TMLHE: variants seen among roughly 807,000 people sequenced by gnomAD.
TMLHE encodes the protein trimethyllysine hydroxylase, epsilon.
A neutral mutation model predicts 25.7 loss-of-function variants in TMLHE; 18 were observed. That is an observed-to-expected ratio of 0.70 (90% confidence interval 0.48 to 1.04). The LOEUF is 1.04. TMLHE is among the 50% of genes least tolerant of loss of function. The pLI is 0.00. For missense variants in TMLHE, 236 were observed against 259.0 expected, an observed-to-expected ratio of 0.91 and a Z score of 0.61; for synonymous variants, 105 against 97.0, an observed-to-expected ratio of 1.08 and a Z score of -0.49.
intron 6 of TMLHE, among the ~76,000 whole-genome samples, chrX:155,506,072 AC>A: frequency 9.0e-6 from 1 of 111,178 alleles, no homozygotes; most frequent in South Asian, 3.8e-4. Flanking sequence ...ATCATACAGA[AC>A]CTTAAAAGCC....
chrX:155,605,486 C>T (rs782795508), intron 1 of TMLHE, among the ~76,000 whole-genome samples: 11 of 111,879 alleles, frequency 9.8e-5, no homozygotes, highest in Non-Finnish European at 2.1e-4. Context: ...TCATATCCAG[C>T]CAAACTAAGC....
At chrX:155,577,239 C>A (rs782773885) in intron 1 of TMLHE, among the ~76,000 whole-genome samples, 101 of 111,939 alleles carry the variant, frequency 9.0e-4, no homozygotes, top group Middle Eastern at 4.6e-3. Flanking sequence ...ACATGGCCAA[C>A]AAGCACATAA....
chrX:155,594,012 A>G (rs968188194), intron 1 of TMLHE, among the ~76,000 whole-genome samples: 1 of 111,835 alleles, frequency 8.9e-6, no homozygotes, highest in South Asian at 3.7e-4. Flanking sequence ...AAGAGCCAGA[A>G]AGGCTATTTA....
chrX:155,580,297 C>G (rs1031065376), intron 1 of TMLHE, among the ~76,000 whole-genome samples: 5 of 111,763 alleles, frequency 4.5e-5, no homozygotes, highest in Non-Finnish European at 7.5e-5. Context: ...GAGATATCAT[C>G]TTACACCAGT....
intron 5 of TMLHE, among the ~76,000 whole-genome samples, chrX:155,509,972 C>T (rs1473338372): frequency 9.0e-6 from 1 of 111,249 alleles, no homozygotes; most frequent in Admixed American, 9.6e-5. Flanking sequence ...AGAAGTTATT[C>T]TTCCATCATT....
intron 6 of TMLHE, among the ~76,000 whole-genome samples, chrX:155,505,094 T>A (rs963040992): frequency 1.8e-5 from 2 of 111,790 alleles, no homozygotes; most frequent in Non-Finnish European, 3.8e-5. Context: ...TAGGGAGATA[T>A]GTACTGATAT....
Position 155,524,575 on chromosome X carries a change from C to A in TMLHE, c.239G>T (p.Cys80Phe). The A allele has an allele frequency of 1.7e-6, 2 of 1,206,195 alleles. No individual in the cohort carries two copies. ...AGAGTTGTAGCACGATGCTGAGCGG[C>A]AGTGGTCTCGAAGCCAGACGTAATC... Reference protein sequence around the residue: ...RFDYVWLRDHCRSASCYNSKT... With the variant: ...RFDYVWLRDHFRSASCYNSKT... The change falls in exon 3 of 8, where the codon TGC (cysteine) becomes TTC (phenylalanine). Residue 80 changes from cysteine to phenylalanine, a missense_variant. Physicochemically the swap from Cys to Phe is radical, Grantham distance 205. Around this residue, in one of 2 missense-constraint regions of TMLHE, gnomAD observed 217 missense variants for 214.6 expected, o/e 1.01. Transcript: ENST00000334398.
intron 4 of TMLHE, among the ~76,000 whole-genome samples, chrX:155,512,159 T>A (rs929033222): frequency 1.8e-5 from 2 of 111,366 alleles, no homozygotes; most frequent in African/African-American, 3.3e-5. Context: ...GTGATTTTTT[T>A]ATTTTATTTT....
chrX:155,569,393 C>G lies in TMLHE; in HGVS notation c.-1-24116G>C, dbSNP rs1233526491. ...CTGAAAGTGATGGGGAGAATGGAAC[C>G]AAGTTGGAAAACATTCTGCAGGATA... On this transcript the variant is annotated intron_variant, in intron 1 of 7. Coordinates refer to ENST00000334398, the MANE Select transcript of TMLHE (RefSeq NM_018196.4). Among the ~76,000 whole-genome samples, 2 of 57,444 alleles carry G rather than the reference C, an allele frequency of 3.5e-5. 1 individual carries two copies. Among genetic ancestry groups the G allele is most frequent in the African/African-American group, 8.4e-5 (2 of 23,854 alleles). 49.9% of individuals were successfully genotyped at this position (57,444 alleles called of 115,157 possible). A position where few individuals can be genotyped will look rare whatever the true frequency, so the allele number is the denominator to read the frequency against.
At chrX:155,590,947 T>C (rs2067690415) in intron 1 of TMLHE, among the ~76,000 whole-genome samples, 1 of 110,498 alleles carries the variant, frequency 9.0e-6, no homozygotes, top group African/African-American at 3.3e-5. Flanking sequence ...GATGAAAAAA[T>C]ATATATCTAA....
chrX:155,558,121 T>A (rs903218000), intron 1 of TMLHE, among the ~76,000 whole-genome samples: 1 of 112,021 alleles, frequency 8.9e-6, no homozygotes, highest in African/African-American at 3.2e-5. Context: ...TTCTACTACC[T>A]GGTTCTGAGC....
intron 2 of TMLHE, among the ~76,000 whole-genome samples, chrX:155,534,194 A>G (rs2067265368): frequency 9.0e-6 from 1 of 111,720 alleles, no homozygotes; most frequent in African/African-American, 3.3e-5. Context: ...AAAAAAAGGG[A>G]AGAGTGAGGC....
At chrX:155,558,284 T>C (rs2067471979) in intron 1 of TMLHE, among the ~76,000 whole-genome samples, 1 of 112,237 alleles carries the variant, frequency 8.9e-6, no homozygotes. Flanking sequence ...TTTATTCATC[T>C]TTTAAGAATC....
At chrX:155,505,223 G>C (rs782238993) in intron 6 of TMLHE, among the ~76,000 whole-genome samples, 3 of 111,583 alleles carry the variant, frequency 2.7e-5, no homozygotes, top group Non-Finnish European at 5.7e-5. Context: ...CTAGATGTAA[G>C]TCTATGGCTT....
chrX:155,530,423 G>A (rs1307405582), intron 2 of TMLHE, among the ~76,000 whole-genome samples: 1 of 81,311 alleles, frequency 1.2e-5, no homozygotes, highest in African/African-American at 3.9e-5. Context: ...CAAGGGTAGG[G>A]GCATGAGGCT....
chrX:155,512,347 T>C (rs1464933272), intron 4 of TMLHE, among the ~76,000 whole-genome samples: 1 of 76,232 alleles, frequency 1.3e-5, no homozygotes, highest in Admixed American at 2.0e-4. Flanking sequence ...GTCCCCAGAG[T>C]GTGATGTTCC....
rs1264967955 is a variant in TMLHE at position 155,566,960 on chromosome X, T to C, written c.-1-21683A>G. Among the ~76,000 whole-genome samples the C allele has an allele frequency of 2.9e-4, 18 of 62,478 alleles. 3 individuals carry two copies. The highest frequency in any genetic ancestry group is 5.7e-4 in the African/African-American group (16 of 28,192). The allele number at this position is 62,478 out of a possible 115,157, so 54.3% of individuals were successfully genotyped here. ...AAACGTGCTGGTGTTATCTTGATTT[T>C]AACTGTCCTCCTAATTGGTTCATCA... On this transcript the variant is annotated intron_variant, in intron 1 of 7. Transcript: ENST00000334398.
intron 6 of TMLHE, among the ~76,000 whole-genome samples, chrX:155,505,088 G>A (rs1360979224): frequency 9.0e-6 from 1 of 111,496 alleles, no homozygotes; most frequent in East Asian, 2.8e-4. Flanking sequence ...AAGTATTAGG[G>A]AGATATGTAC....
At chrX:155,609,768 A>C (rs782191403) in intron 1 of TMLHE, among the ~76,000 whole-genome samples, 1 of 112,373 alleles carries the variant, frequency 8.9e-6, no homozygotes, top group South Asian at 3.7e-4. Context: ...TCTAACAAGC[A>C]AATAAAAAGA....
Sources: gnomAD v4.1 joint callset for allele counts (sites outside exome capture counted in the v4.1 genomes callset) on GRCh38, gnomAD v4.1.1 for gene constraint, gnomAD v4.1.1 regional missense constraint, MANE v1.5 for transcripts, NCBI Gene and HGNC (gene_info 2026-07-23, HGNC 2026-07-21) for gene names.